Variants in NEGR1 observed in about 807,000 individuals in gnomAD.
NEGR1 encodes the protein neuronal growth regulator 1, also known as IgLON family member 4.
In NEGR1, 10 loss-of-function variants were observed where a neutral mutation model predicts 40.9. The observed-to-expected ratio is 0.24, with a 90% confidence interval of 0.15 to 0.42. The LOEUF is 0.42. Ranked by LOEUF, NEGR1 falls within the 10% of genes least tolerant of loss-of-function variation. The pLI is 1.00. For missense variants in NEGR1, 352 were observed against 438.9 expected (o/e 0.80, Z 1.77); for synonymous variants, 185 against 166.8 (o/e 1.11, Z -0.84).
At chr1:71,585,215 C>T (rs991081872) in intron 6 of NEGR1, among the ~76,000 whole-genome samples, 7 of 152,108 alleles carry the variant, frequency 4.6e-5, no homozygotes, top group Non-Finnish European at 7.4e-5. Context: ...GTAAGTTTAA[C>T]TTTAAAAAAT....
intron 4 of NEGR1, among the ~76,000 whole-genome samples, chr1:71,661,474 C>A (rs1652052910): frequency 6.6e-6 from 1 of 152,146 alleles, no homozygotes; most frequent in Non-Finnish European, 1.5e-5. Context: ...TGCAAATAAA[C>A]TCTAGTAGAG....
At chr1:72,027,736 C>T (rs1646824747) in intron 1 of NEGR1, among the ~76,000 whole-genome samples, 1 of 152,154 alleles carries the variant, frequency 6.6e-6, no homozygotes, top group African/African-American at 2.4e-5. Context: ...ATATCTCCAG[C>T]TCTTATCTTT....
intron 1 of NEGR1, among the ~76,000 whole-genome samples, chr1:71,981,630 G>A (rs1014470343): frequency 8.5e-5 from 13 of 152,148 alleles, no homozygotes; most frequent in African/African-American, 2.9e-4. Context: ...AGACCTATCA[G>A]GTGATAGGCT....
chr1:71,481,810 A>T lies in NEGR1; in HGVS notation c.941-74240T>A, dbSNP rs371986648. On this transcript the variant is annotated intron_variant, in intron 6 of 6. Transcript: ENST00000357731. The stretch of plus-strand genomic sequence containing the variant: ...TTAGTTATTTACTTCCTTTATTTCT[A>T]TTGTTTGCCTGGTGCAGAAATGCTT... Among the ~76,000 whole-genome samples, 4 of 151,816 alleles carry T rather than the reference A, an allele frequency of 2.6e-5. No individual in the cohort carries two copies. In the East Asian group the frequency reaches 7.8e-4, roughly 30 times the overall value.
At chr1:71,931,273 G>T (rs538879267) in intron 2 of NEGR1, among the ~76,000 whole-genome samples, 9 of 152,086 alleles carry the variant, frequency 5.9e-5, no homozygotes, top group Admixed American at 2.6e-4. Flanking sequence ...GGAATGAGTT[G>T]AACACTAAAC....
At chr1:71,635,871 T>G (rs1348555596) in intron 4 of NEGR1, among the ~76,000 whole-genome samples, 1 of 152,012 alleles carries the variant, frequency 6.6e-6, no homozygotes, top group African/African-American at 2.4e-5. Flanking sequence ...AATATACACC[T>G]TAAGAATGCT....
At chr1:71,646,223 C>T (rs1557598775) in intron 4 of NEGR1, among the ~76,000 whole-genome samples, 1 of 151,568 alleles carries the variant, frequency 6.6e-6, no homozygotes, top group African/African-American at 2.4e-5. Flanking sequence ...TACATAAACA[C>T]ATATATATAC....
At chr1:71,967,522 G>A (rs939706012) in intron 1 of NEGR1, among the ~76,000 whole-genome samples, 6 of 152,108 alleles carry the variant, frequency 3.9e-5, no homozygotes, top group African/African-American at 1.4e-4. Flanking sequence ...AACACATTGA[G>A]TAACTAGAGA....
At chr1:72,216,396 T>TGTAC (rs1653816548) in intron 1 of NEGR1, among the ~76,000 whole-genome samples, 3 of 139,406 alleles carry the variant, frequency 2.2e-5, no homozygotes, top group African/African-American at 8.8e-5. Context: ...TATATATATA[T>TGTAC]ATATACATAT....
At chr1:71,945,279 T>G (rs1278459844) in intron 1 of NEGR1, among the ~76,000 whole-genome samples, 1 of 152,144 alleles carries the variant, frequency 6.6e-6, no homozygotes, top group Non-Finnish European at 1.5e-5. Flanking sequence ...TTAATTAGTT[T>G]GTTTAACTTG....
intron 2 of NEGR1, among the ~76,000 whole-genome samples, chr1:71,908,214 C>CA (rs80097153): frequency 0.14 from 15,298 of 112,446 alleles, 1,870 homozygotes; most frequent in African/African-American, 0.34. Context: ...AATGCCACTA[C>CA]AAAAAAAAAA....
chr1:71,658,382 G>A (rs902848515), intron 4 of NEGR1, among the ~76,000 whole-genome samples: 2 of 151,852 alleles, frequency 1.3e-5, no homozygotes, highest in South Asian at 2.1e-4. Flanking sequence ...AACTATTGTC[G>A]TCCTTGGTTA....
intron 6 of NEGR1, among the ~76,000 whole-genome samples, chr1:71,571,916 G>A (rs1437582327): frequency 6.6e-6 from 1 of 151,714 alleles, no homozygotes; most frequent in Non-Finnish European, 1.5e-5. Flanking sequence ...AATATGCCTT[G>A]CCTCCTTTTT....
At chr1:71,803,918 A>C (rs1021861969) in intron 2 of NEGR1, among the ~76,000 whole-genome samples, 2 of 152,146 alleles carry the variant, frequency 1.3e-5, no homozygotes, top group African/African-American at 2.4e-5. Context: ...GCATTTGTTA[A>C]ATTAATGGAA....
chr1:71,561,407 G>T (rs1054539963), intron 6 of NEGR1, among the ~76,000 whole-genome samples: 25 of 151,572 alleles, frequency 1.6e-4, no homozygotes, highest in African/African-American at 5.6e-4. Flanking sequence ...AGATCACACT[G>T]CTTAAAAGGG....
chr1:71,934,863 T>A (rs1181308345), intron 2 of NEGR1, among the ~76,000 whole-genome samples: 1 of 152,136 alleles, frequency 6.6e-6, no homozygotes, highest in Non-Finnish European at 1.5e-5. Flanking sequence ...TGAAAGCCAG[T>A]CAAAAGACTT....
At chr1:71,926,809 A>G (rs557269044) in intron 2 of NEGR1, among the ~76,000 whole-genome samples, 1 of 152,270 alleles carries the variant, frequency 6.6e-6, no homozygotes, top group South Asian at 2.1e-4. Flanking sequence ...TTGTTCTAAT[A>G]TCAGACCTTA....
At chr1:72,232,198 A>T (rs1570152732) in intron 1 of NEGR1, among the ~76,000 whole-genome samples, 1 of 152,014 alleles carries the variant, frequency 6.6e-6, no homozygotes, top group Non-Finnish European at 1.5e-5. Context: ...TACCAAAAAT[A>T]CAAAAAAAAT....
chr1:71,844,692 C>T (rs1256332629), intron 2 of NEGR1, among the ~76,000 whole-genome samples: 1 of 152,184 alleles, frequency 6.6e-6, no homozygotes, highest in Non-Finnish European at 1.5e-5. Context: ...ACGCCTCAGG[C>T]TTGATAAGAA....
Sources: gnomAD v4.1 joint callset for allele counts (sites outside exome capture counted in the v4.1 genomes callset) on GRCh38, gnomAD v4.1.1 for gene constraint, MANE v1.5 for transcripts, NCBI Gene and HGNC (gene_info 2026-07-23, HGNC 2026-07-21) for gene names.